Variants in POLR1A observed in about 807,000 individuals in gnomAD.
POLR1A encodes the protein RNA polymerase I subunit A.
In POLR1A, 84 loss-of-function variants were observed where a neutral mutation model predicts 205.3. The observed-to-expected ratio is 0.41, with a 90% CI of 0.34 to 0.49. The LOEUF (loss-of-function observed/expected upper bound fraction) is 0.49, where lower values mean the gene tolerates loss of function less well. Among genes scored for constraint, POLR1A ranks in the 20% least tolerant of loss-of-function variants. The pLI is 0.22. For missense variants in POLR1A, 1,645 were observed against 2,204.5 expected, an observed-to-expected ratio of 0.75 and a Z score of 5.08; for synonymous variants, 799 against 863.7, an observed-to-expected ratio of 0.93 and a Z score of 1.31.
At chr2:86,103,910 C>A (rs1673869167) in intron 1 of POLR1A, among the ~76,000 whole-genome samples, 1 of 152,154 alleles carries the variant, frequency 6.6e-6, no homozygotes, top group Non-Finnish European at 1.5e-5. Context: ...TGAAAGGACA[C>A]TGCATGCAGA....
chr2:86,105,504 C>T (rs1673909034), intron 1 of POLR1A, among the ~76,000 whole-genome samples, 196 bp downstream of exon 1: 1 of 152,192 alleles, frequency 6.6e-6, no homozygotes, highest in Non-Finnish European at 1.5e-5. Context: ...ACTCTTTCCC[C>T]CAGCACCACC....
chr2:86,078,141 C>G lies in POLR1A; in HGVS notation c.1230G>C (p.Met410Ile). 6.2e-7 allele frequency: 1 copy of G among 1,613,158 alleles called. No individual in the cohort carries two copies. Among genetic ancestry groups the G allele is most frequent in the Non-Finnish European group, 8.5e-7 (1 of 1,179,850 alleles). Residue 410 changes from methionine (M) to isoleucine (I), a missense_variant, in exon 10 of 34, where the codon ATG becomes ATC. By Grantham distance (10) the Met-to-Ile change is conservative (BLOSUM62 1). This residue lies in a region of POLR1A where 131 missense variants were observed against 214.5 expected (regional missense o/e 0.61). Coordinates refer to ENST00000263857, the MANE Select transcript of POLR1A (RefSeq NM_015425.6). Reference sequence around the variant, plus strand: ...GCCTAATGCCTGGGTACTTGTCCATCATTAGTTTGTCCATCTCGCTATCAA... The same window carrying G: ...GCCTAATGCCTGGGTACTTGTCCATGATTAGTTTGTCCATCTCGCTATCAA... ...IVFDSEMDKL[M>I]MDKYPGIRQI...
chr2:86,104,046 G>A (rs1216790647), intron 1 of POLR1A, among the ~76,000 whole-genome samples: 2 of 152,210 alleles, frequency 1.3e-5, no homozygotes, highest in Non-Finnish European at 2.9e-5. Flanking sequence ...CTGATCATGG[G>A]AGACTTTGCA....
chr2:86,102,799 G>C (rs1365450639), intron 1 of POLR1A, among the ~76,000 whole-genome samples: 3 of 152,224 alleles, frequency 2.0e-5, no homozygotes, highest in Non-Finnish European at 4.4e-5. Context: ...AGTAGAGTTT[G>C]AGATCAATAG....
intron 27 of POLR1A, 52 bp downstream of exon 27, chr2:86,038,648 C>T (rs1672541976): frequency 1.9e-6 from 3 of 1,582,824 alleles, no homozygotes; most frequent in Non-Finnish European, 2.6e-6. Context: ...TGCCCCAGTT[C>T]AAGCGCATTC....
intron 3 of POLR1A, among the ~76,000 whole-genome samples, chr2:86,097,015 T>C (rs1673716090): frequency 6.6e-6 from 1 of 151,582 alleles, no homozygotes; most frequent in South Asian, 2.1e-4. Context: ...CTCAAACATC[T>C]CAACAGCAAA....
chr2:86,098,755 C>T lies in POLR1A; in HGVS notation c.288G>A (p.Leu96=). 6.2e-7 allele frequency: 1 copy of T among 1,613,978 alleles called. No homozygotes were observed. The highest frequency in any genetic ancestry group is 8.5e-7 in the Non-Finnish European group (1 of 1,179,940). Reference sequence around the variant, plus strand: ...AACAAGAGCCCCGAAGCAGCAGGTACAGCTTCTGAAGAGAGGGAATAAAAA... The same window carrying T: ...AACAAGAGCCCCGAAGCAGCAGGTATAGCTTCTGAAGAGAGGGAATAAAAA... ...TVYNPLLFDK[L]YLLLRGSCLN... is the part of the protein sequence containing the mutation. Residue 96 remains leucine (L), a synonymous_variant, in exon 3 of 34, where the codon CTG becomes CTA. Coordinates refer to ENST00000263857, the MANE Select transcript of POLR1A (RefSeq NM_015425.6).
At chr2:86,099,762 G>C (rs72934582) in intron 2 of POLR1A, among the ~76,000 whole-genome samples, 3,798 of 152,280 alleles carry the variant, frequency 0.025, 164 homozygotes, top group African/African-American at 0.086. Context: ...TATTCAACTG[G>C]AATCAAACTG....
At chr2:86,030,907 T>C (rs1167347452) in intron 30 of POLR1A, among the ~76,000 whole-genome samples, 1 of 152,210 alleles carries the variant, frequency 6.6e-6, no homozygotes, top group Non-Finnish European at 1.5e-5. Context: ...TGTCCCTGCC[T>C]GAGGGCACGA....
chr2:86,032,915 C>T (rs955357918), intron 28 of POLR1A, among the ~76,000 whole-genome samples: 5 of 152,186 alleles, frequency 3.3e-5, no homozygotes, highest in Non-Finnish European at 4.4e-5. Flanking sequence ...GGTGAACTCA[C>T]GGAGCAGGAG....
intron 6 of POLR1A, among the ~76,000 whole-genome samples, chr2:86,084,476 C>G (rs967484538): frequency 4.0e-5 from 6 of 151,872 alleles, no homozygotes; most frequent in Admixed American, 3.9e-4. Context: ...CTGGATACAT[C>G]CACTGAAACT....
At position 86,028,755 on chromosome 2, in the gene POLR1A, C is replaced by G; in HGVS notation, c.4780-44G>C. 1.4e-6 allele frequency: 2 copies of G among 1,393,762 alleles called. No homozygotes were observed. Among genetic ancestry groups the G allele is most frequent in the South Asian group, 2.3e-5 (2 of 86,392 alleles). The allele number at this position is 1,393,762 out of a possible 1,614,324, so 86.3% of individuals were successfully genotyped here. ...GGATTTATTTAGAGGGCCTGGCCTT[C>G]TGCTCCCTTCTGCCTGCGTATCTCC... On this transcript the variant is annotated intron_variant, in intron 31 of 33. Coordinates refer to ENST00000263857, the MANE Select transcript of POLR1A (RefSeq NM_015425.6). The surrounding 1 kb of genome is among the most constrained non-coding windows in gnomAD (Gnocchi z 4.5).
chr2:86,098,613 T>C lies in POLR1A; in HGVS notation c.430A>G (p.Arg144Gly), dbSNP rs758544966. ...AVYELERILN[R>G]FLEENPDPSA... ...TGTGACCACCACTACCCACCTACCC[T>C]GTTCAGAATTCTCTCAAGCTCGTAG... Residue 144 changes from arginine to glycine, a missense_variant and splice_region_variant, in exon 3 of 34, where the codon AGG (arginine) becomes GGG (glycine). Arg to Gly is a moderately radical substitution (Grantham distance 125, BLOSUM62 -2). This residue lies in a region of POLR1A where 330 missense variants were observed against 375.6 expected (regional missense o/e 0.88). Transcript: ENST00000263857. 2 of 1,613,344 alleles carry C rather than the reference T, an allele frequency of 1.2e-6. No homozygotes were observed. Among genetic ancestry groups the C allele is most frequent in the South Asian group, 1.1e-5 (1 of 90,960 alleles).
chr2:86,088,099 G>T (rs1181762694), intron 6 of POLR1A, among the ~76,000 whole-genome samples: 5 of 152,154 alleles, frequency 3.3e-5, no homozygotes, highest in Non-Finnish European at 5.9e-5. Flanking sequence ...CAGAGCTGAG[G>T]AAAGAATTCT....
chr2:86,097,155 C>CAAATCA (rs1558787132), intron 3 of POLR1A, among the ~76,000 whole-genome samples: 1 of 126,908 alleles, frequency 7.9e-6, no homozygotes, highest in Non-Finnish European at 1.6e-5. Flanking sequence ...CACAAAAACA[C>CAAATCA]AAATCAAAAC....
In POLR1A at chr2:86,045,815, T is replaced by C. The variant is rs577479052; in HGVS notation, c.2734-46A>G. 76 of 1,535,672 alleles carry C rather than the reference T, an allele frequency of 4.9e-5. 1 individual carries two copies. In the South Asian group the frequency reaches 8.4e-4, roughly 17 times the overall value. On this transcript the variant is annotated intron_variant, in intron 19 of 33. Transcript: ENST00000263857. ...AGGAAACTGAAGATCCACATGTGTG[T>C]TTAACAGTGCTTTGTCCCAGCAGGG...
At chr2:86,046,929 A>G (rs1672720587) in intron 19 of POLR1A, among the ~76,000 whole-genome samples, 1 of 152,264 alleles carries the variant, frequency 6.6e-6, no homozygotes, top group Non-Finnish European at 1.5e-5. Context: ...ATGTAATAGT[A>G]CAGTTTGTAA....
intron 30 of POLR1A, among the ~76,000 whole-genome samples, chr2:86,030,809 T>C (rs1672373194): frequency 6.6e-6 from 1 of 152,170 alleles, no homozygotes; most frequent in Non-Finnish European, 1.5e-5. Flanking sequence ...TGTGCACATG[T>C]CTAGGCATCC....
intron 6 of POLR1A, 143 bp from the exon 7 acceptor site, chr2:86,083,311 T>A: frequency 1.5e-6 from 1 of 652,432 alleles, no homozygotes. Context: ...CAGGCCTGGA[T>A]TCCCTCTGGC....
Sources: allele counts gnomAD v4.1 joint callset (sites outside exome capture counted in the v4.1 genomes callset), GRCh38; gene constraint gnomAD v4.1.1; regional missense constraint gnomAD v4.1.1; non-coding constraint Gnocchi (gnomAD v3.1); transcripts MANE v1.5; gene names NCBI Gene and HGNC (gene_info 2026-07-23, HGNC 2026-07-21).